The following AAGAB variants were observed in gnomAD, a reference collection of about 807,000 sequenced individuals.
AAGAB encodes alpha- and gamma-adaptin-binding protein p34.
In AAGAB, 38 loss-of-function variants were observed where a neutral mutation model predicts 44.1. The observed-to-expected ratio is 0.86, with a 90% CI of 0.67 to 1.13. The LOEUF (loss-of-function observed/expected upper bound fraction) is 1.13. Ranked by LOEUF, AAGAB falls within the 50% of genes most tolerant of loss-of-function variation. The pLI, the probability that AAGAB is intolerant of heterozygous loss-of-function variation, is 0.00. For missense variants in AAGAB, 450 were observed against 373.8 expected, an observed-to-expected ratio of 1.20 and a Z score of -1.68; for synonymous variants, 131 against 131.8, an observed-to-expected ratio of 0.99 and a Z score of 0.04.
chr15:67,228,068 A>AT (rs1265624764), intron 5 of AAGAB, among the ~76,000 whole-genome samples: 1 of 152,178 alleles, frequency 6.6e-6, no homozygotes, highest in Non-Finnish European at 1.5e-5. Flanking sequence ...GTAAAATGGC[A>AT]TTTTTTCAGG....
chr15:67,236,150 A>T, intron 3 of AAGAB, 82 bp from the exon 4 acceptor site: 1 of 1,122,660 alleles, frequency 8.9e-7, no homozygotes, highest in Non-Finnish European at 1.3e-6. Context: ...CACAAATCTC[A>T]ATGTGTTTCC....
intron 1 of AAGAB, among the ~76,000 whole-genome samples, chr15:67,238,325 T>C (rs1964517211): frequency 6.6e-6 from 1 of 152,218 alleles, no homozygotes; most frequent in Non-Finnish European, 1.5e-5. Flanking sequence ...CATAATCTTT[T>C]ACTTAGTGTC....
intron 1 of AAGAB, among the ~76,000 whole-genome samples, chr15:67,253,933 T>C (rs1181090372): frequency 6.6e-6 from 1 of 152,174 alleles, no homozygotes. Context: ...TCCAGTCCCA[T>C]GTTCTCTCTT....
Position 67,236,659 on chromosome 15 carries a change from C to A in AAGAB, c.235G>T (p.Ala79Ser). 6.2e-7 allele frequency: 1 copy of A among 1,613,948 alleles called. No individual in the cohort carries two copies. Among genetic ancestry groups the A allele is most frequent in the Non-Finnish European group, 8.5e-7 (1 of 1,179,944 alleles). ...GTGCTGTCAAAGTAAACCACAAATG[C>A]TTGGACAGATTCTGCAATCTCTGCA... ...VTAEIAESVQ[A>S]FVVYFDSTQK... The change falls in exon 2 of 10, where the codon GCA (alanine) becomes TCA (serine). Residue 79 changes from alanine (A) to serine (S), a missense_variant. Ala to Ser is a moderately conservative substitution (Grantham distance 99). Coordinates refer to ENST00000261880, the MANE Select transcript of AAGAB (RefSeq NM_024666.5).
At chr15:67,215,129 C>T (rs1010543374) in intron 5 of AAGAB, among the ~76,000 whole-genome samples, 9 of 152,134 alleles carry the variant, frequency 5.9e-5, no homozygotes, top group African/African-American at 1.9e-4. Context: ...CCTTGTTGTC[C>T]TTACTATTCA....
At position 67,203,574 on chromosome 15, in the gene AAGAB, C is replaced by T. The variant is rs781631892; in HGVS notation, c.844G>A (p.Glu282Lys). 95 of 1,613,564 alleles carry T rather than the reference C, an allele frequency of 5.9e-5. No homozygotes were observed. Among genetic ancestry groups the T allele is most frequent in the Non-Finnish European group, 7.8e-5 (92 of 1,179,808 alleles). ...MKDKAATLPH[E>K]QRKVHAEKVA... ...TTTTCTGCATGCACTTTTCTTTGCT[C>T]ATGAGGAAGCGTCGCAGCCTTGTCT... is the stretch of plus-strand genomic sequence containing the variant. The change falls in exon 9 of 10, where the codon GAG (glutamate) becomes AAG (lysine). Residue 282 changes from glutamate (E) to lysine (K), a missense_variant. Coordinates refer to ENST00000261880, the MANE Select transcript of AAGAB (RefSeq NM_024666.5).
In AAGAB at chr15:67,217,665, G is replaced by A. The variant is rs190311678; in HGVS notation, c.536-8121C>T. ...CAATTCTCTTGCCTCAGCCTCCTGAGTAGCTGGGACTACAGGTGCCCACCA... is the reference window on the plus strand; with the variant it reads ...CAATTCTCTTGCCTCAGCCTCCTGAATAGCTGGGACTACAGGTGCCCACCA... On this transcript the variant is annotated intron_variant, in intron 5 of 9. Coordinates refer to ENST00000261880, the MANE Select transcript of AAGAB (RefSeq NM_024666.5). 2.6e-5 allele frequency among the ~76,000 whole-genome samples: 4 copies of A among 152,306 alleles called. No homozygotes were observed. In the East Asian group the frequency reaches 7.7e-4, roughly 29 times the overall value.
At chr15:67,244,894 C>T (rs1355538601) in intron 1 of AAGAB, among the ~76,000 whole-genome samples, 1 of 151,418 alleles carries the variant, frequency 6.6e-6, no homozygotes, top group Non-Finnish European at 1.5e-5. Context: ...ACTATATGAA[C>T]ATGAAAAGAT....
At chr15:67,202,996 C>T (rs1963601890) in intron 9 of AAGAB, 98 bp from the exon 10 acceptor site, 1 of 1,117,840 alleles carries the variant, frequency 8.9e-7, no homozygotes, top group South Asian at 1.3e-5. Flanking sequence ...AAATTCTGCA[C>T]TTTGCCCTCC....
At chr15:67,232,901 T>C (rs757584009) in intron 4 of AAGAB, 5 of 156,048 alleles carry the variant, frequency 3.2e-5, no homozygotes, top group East Asian at 1.9e-4. Flanking sequence ...ATTAATAAAC[T>C]AAAAACTTTC....
At chr15:67,227,189 A>C (rs778911426) in intron 5 of AAGAB, among the ~76,000 whole-genome samples, 1 of 152,228 alleles carries the variant, frequency 6.6e-6, no homozygotes, top group African/African-American at 2.4e-5. Flanking sequence ...ACATAATCCC[A>C]AATAATCAAC....
At chr15:67,253,260 C>CGG (rs35166457) in intron 1 of AAGAB, among the ~76,000 whole-genome samples, 23 of 81,900 alleles carry the variant, frequency 2.8e-4, no homozygotes, top group African/African-American at 9.2e-4. Context: ...CCCCGTATGA[C>CGG]GGGGGGGGGG....
intron 5 of AAGAB, among the ~76,000 whole-genome samples, chr15:67,224,451 C>T (rs999184954): frequency 9.9e-5 from 15 of 152,276 alleles, no homozygotes; most frequent in African/African-American, 3.6e-4. Context: ...CTAGACCATA[C>T]TAGAAACAAG....
chr15:67,239,601 T>A (rs1844433029), intron 1 of AAGAB, among the ~76,000 whole-genome samples: 1 of 150,834 alleles, frequency 6.6e-6, no homozygotes, highest in South Asian at 2.1e-4. Flanking sequence ...CTTATCAGAT[T>A]TTTTTTTAAC....
At chr15:67,204,273 T>A (rs1963636755) in intron 7 of AAGAB, 125 bp from the exon 8 acceptor site, 2 of 606,198 alleles carry the variant, frequency 3.3e-6, no homozygotes. Context: ...GTATACCAGC[T>A]TTACAGCTCA....
At position 67,202,029 on chromosome 15, in the gene AAGAB, AAGAC is replaced by A. The variant is rs927641557; in HGVS notation, c.*788_*791del. 6.6e-6 allele frequency: 1 copy of A among 152,284 alleles called. No homozygotes were observed. The highest frequency in any genetic ancestry group is 2.4e-5 in the African/African-American group (1 of 41,390). 9.4% of individuals were successfully genotyped at this position (152,284 alleles called of 1,614,324 possible). A position where few individuals can be genotyped will look rare whatever the true frequency, so the allele number is the denominator to read the frequency against. On this transcript the variant is annotated 3_prime_UTR_variant, in exon 10 of 10. Coordinates refer to ENST00000261880, the MANE Select transcript of AAGAB (RefSeq NM_024666.5). ...ATCTCAAGCAGCAGGGGAGAACTCT[AAGAC>A]AGAAGAATTTCTTCATGAAAATCAC...
At chr15:67,251,597 T>C (rs139599674) in intron 1 of AAGAB, among the ~76,000 whole-genome samples, 3 of 152,126 alleles carry the variant, frequency 2.0e-5, no homozygotes, top group Non-Finnish European at 4.4e-5. Flanking sequence ...TTGGTTATAT[T>C]TCCCACTGGT....
chr15:67,206,286 T>C (rs1402932419), intron 7 of AAGAB, among the ~76,000 whole-genome samples: 3 of 152,258 alleles, frequency 2.0e-5, no homozygotes, highest in South Asian at 2.1e-4. Flanking sequence ...AGGAGGGCTA[T>C]TATGTCAATA....
rs544258827 is a variant in AAGAB, at chr15:67,243,230, A to C, written c.74-6410T>G. On this transcript the variant is annotated intron_variant, in intron 1 of 9. Coordinates refer to ENST00000261880, the MANE Select transcript of AAGAB (RefSeq NM_024666.5). ...AGTCAGACACACACACAAGAACATAAAGAAGCCATCAGGAAAGGGAGAGAG... is the reference window on the plus strand; with the variant it reads ...AGTCAGACACACACACAAGAACATACAGAAGCCATCAGGAAAGGGAGAGAG... 1.1e-4 allele frequency among the ~76,000 whole-genome samples: 17 copies of C among 152,260 alleles called. 1 individual carries two copies. The South Asian group carries it at 3.5e-3, about 32-fold the overall frequency.
Sources: gnomAD v4.1 joint callset for allele counts (sites outside exome capture counted in the v4.1 genomes callset) on GRCh38, gnomAD v4.1.1 for gene constraint, MANE v1.5 for transcripts, NCBI Gene and HGNC (gene_info 2026-07-23, HGNC 2026-07-21) for gene names.